PABPC4L: variants seen among roughly 807,000 people sequenced by gnomAD.
PABPC4L encodes the protein poly(A) binding protein cytoplasmic 4 like, also known as polyadenylate-binding protein 4-like.
For synonymous variants in PABPC4L, 169 were observed against 164.1 expected, an observed-to-expected ratio of 1.03 and a Z score of -0.23; for missense variants, 452 against 451.4, an observed-to-expected ratio of 1.00 and a Z score of -0.01.
Position 134,200,313 on chromosome 4 carries a change from C to T in PABPC4L, c.707G>A (p.Ser236Asn), listed in dbSNP as rs775758642. 1 of 1,592,286 alleles carries T rather than the reference C, an allele frequency of 6.3e-7. No homozygotes were observed. Among genetic ancestry groups the T allele is most frequent in the South Asian group, 1.1e-5 (1 of 87,788 alleles). ...CTTGGCAGCCTCATGGCTATCAAAA[C>T]TCACAAAGCCAAAGCCTTTGGATTT... ...SGKSKGFGFV[S>N]FDSHEAAKKA... The change falls in exon 2 of 2, where the codon AGT becomes AAT. Residue 236 changes from serine (S) to asparagine (N), a missense_variant. Ser to Asn is a conservative substitution (Grantham distance 46). Coordinates refer to ENST00000421491, the MANE Select transcript of PABPC4L (RefSeq NM_001114734.2).
chr4:134,096,973 A>G, the PABPC4L span, among the ~76,000 whole-genome samples: 1 of 152,108 alleles, frequency 6.6e-6, no homozygotes, highest in South Asian at 2.1e-4. Context: ...GCAATTATCC[A>G]TGGATGCTTA....
the PABPC4L span, among the ~76,000 whole-genome samples, chr4:133,954,049 C>T: frequency 6.6e-6 from 1 of 152,348 alleles, no homozygotes; most frequent in Non-Finnish European, 1.5e-5. Context: ...CAGACATCTG[C>T]TGTTTGGAGG....
the PABPC4L span, among the ~76,000 whole-genome samples, chr4:133,995,748 G>A: frequency 6.6e-6 from 1 of 152,080 alleles, no homozygotes; most frequent in African/African-American, 2.4e-5. Flanking sequence ...CAGCTGTTAC[G>A]TCTCGCCCGG....
chr4:134,196,559 A>G lies in PABPC4L; in HGVS notation c.*3348T>C, dbSNP rs1479651736. On this transcript the variant is annotated 3_prime_UTR_variant, in exon 2 of 2. Transcript: ENST00000421491. ...AGCAGACGTGGCAATATGTGTGGAG[A>G]GAAGGGTGAAAGTAGAAACAGTGGC... is the stretch of plus-strand genomic sequence containing the variant. 6.6e-6 allele frequency: 1 copy of G among 151,740 alleles called. No homozygotes were observed. The highest frequency in any genetic ancestry group is 1.5e-5 in the Non-Finnish European group (1 of 67,698). The allele number at this position is 151,740 out of a possible 1,614,324, so 9.4% of individuals were successfully genotyped here.
chr4:133,967,686 A>G, the PABPC4L span, among the ~76,000 whole-genome samples: 1 of 152,200 alleles, frequency 6.6e-6, no homozygotes, highest in Non-Finnish European at 1.5e-5. Flanking sequence ...CATCTCTAAG[A>G]AAAAGATAAT....
chr4:133,992,461 A>G, the PABPC4L span, among the ~76,000 whole-genome samples: 2 of 152,166 alleles, frequency 1.3e-5, no homozygotes, highest in Non-Finnish European at 2.9e-5. Context: ...AAGGGTTAGA[A>G]CTTTTATAAC....
chr4:134,007,631 T>C, the PABPC4L span, among the ~76,000 whole-genome samples: 3 of 151,652 alleles, frequency 2.0e-5, no homozygotes, highest in South Asian at 6.2e-4. Context: ...TCAACATAAG[T>C]AAAATAATCT....
chr4:134,073,982 T>G, the PABPC4L span, among the ~76,000 whole-genome samples: 2 of 152,180 alleles, frequency 1.3e-5, no homozygotes, highest in Non-Finnish European at 2.9e-5. Context: ...ATGGAGGGTC[T>G]GCTGAGAAGT....
the PABPC4L span, among the ~76,000 whole-genome samples, chr4:134,169,977 G>A: frequency 6.6e-6 from 1 of 152,082 alleles, no homozygotes; most frequent in Non-Finnish European, 1.5e-5. Flanking sequence ...TGTTACTAAG[G>A]TAATAAGCAC....
the PABPC4L span, among the ~76,000 whole-genome samples, chr4:134,002,386 G>A: frequency 6.6e-6 from 1 of 151,772 alleles, no homozygotes; most frequent in Non-Finnish European, 1.5e-5. Flanking sequence ...CTTCAAGCAT[G>A]TCTGAATTTA....
At chr4:134,003,876 G>A in the PABPC4L span, among the ~76,000 whole-genome samples, 2 of 152,036 alleles carry the variant, frequency 1.3e-5, no homozygotes, top group Middle Eastern at 3.4e-3. Context: ...TATAACATGT[G>A]TGAAGGTGTT....
At chr4:133,950,594 G>C in the PABPC4L span, among the ~76,000 whole-genome samples, 1 of 152,104 alleles carries the variant, frequency 6.6e-6, no homozygotes, top group Non-Finnish European at 1.5e-5. Flanking sequence ...TCTCCCATCA[G>C]GGAGCACCCA....
chr4:133,959,539 G>C, the PABPC4L span, among the ~76,000 whole-genome samples: 9 of 152,204 alleles, frequency 5.9e-5, no homozygotes, highest in African/African-American at 1.4e-4. Context: ...TGTGTTTAGA[G>C]TGTGCTGTGG....
At chr4:134,169,802 G>A in the PABPC4L span, among the ~76,000 whole-genome samples, 1 of 152,002 alleles carries the variant, frequency 6.6e-6, no homozygotes, top group South Asian at 2.1e-4. Flanking sequence ...AAAAAGTAAA[G>A]ACATTCTATG....
chr4:133,950,144 G>A, the PABPC4L span, among the ~76,000 whole-genome samples: 1 of 152,072 alleles, frequency 6.6e-6, no homozygotes, highest in Non-Finnish European at 1.5e-5. Context: ...TAGCATCCTC[G>A]AGTTTAACTG....
At chr4:133,993,298 G>A in the PABPC4L span, among the ~76,000 whole-genome samples, 1 of 152,012 alleles carries the variant, frequency 6.6e-6, no homozygotes, top group East Asian at 1.9e-4. Flanking sequence ...CCTGTCCTTG[G>A]GGGATATATG....
the PABPC4L span, among the ~76,000 whole-genome samples, chr4:134,052,698 T>TA: frequency 2.6e-4 from 39 of 148,938 alleles, no homozygotes; most frequent in East Asian, 1.4e-3. Flanking sequence ...ATCTCCAATT[T>TA]AAAAAAAAAA....
chr4:133,970,319 C>T, the PABPC4L span, among the ~76,000 whole-genome samples: 2 of 151,822 alleles, frequency 1.3e-5, no homozygotes, highest in Non-Finnish European at 2.9e-5. Context: ...ATTGGAGCAT[C>T]AGGAATTTTC....
At chr4:134,048,471 T>C in the PABPC4L span, among the ~76,000 whole-genome samples, 3 of 152,162 alleles carry the variant, frequency 2.0e-5, no homozygotes, top group Admixed American at 1.3e-4. Flanking sequence ...CTCTGGTAAT[T>C]AAAGCAATTA....
Sources: allele counts gnomAD v4.1 joint callset (sites outside exome capture counted in the v4.1 genomes callset), GRCh38; gene constraint gnomAD v4.1.1; transcripts MANE v1.5; gene names NCBI Gene and HGNC (gene_info 2026-07-23, HGNC 2026-07-21).